FSTL5: variants seen among roughly 807,000 people sequenced by gnomAD.
FSTL5 encodes follistatin-related protein 5.
A neutral mutation model predicts 89.1 loss-of-function variants in FSTL5; 62 were observed. The ratio of observed to expected loss-of-function variants is 0.70; its 90% CI spans 0.57 to 0.86. The LOEUF (loss-of-function observed/expected upper bound fraction) is 0.86. Ranked by LOEUF, FSTL5 falls within the 40% of genes least tolerant of loss-of-function variation. The pLI is 0.00. For missense variants in FSTL5, 1,057 were observed against 1,001.6 expected, an observed-to-expected ratio of 1.06 and a Z score of -0.75; for synonymous variants, 383 against 346.2, an observed-to-expected ratio of 1.11 and a Z score of -1.18.
chr4:162,037,282 G>A (rs761047651), intron 2 of FSTL5, among the ~76,000 whole-genome samples: 5 of 151,788 alleles, frequency 3.3e-5, no homozygotes, highest in Non-Finnish European at 7.4e-5. Context: ...ATAGATGCAG[G>A]AGGTTTCTAG....
chr4:161,887,462 ATCTG>A lies in FSTL5; in HGVS notation c.409+32938_409+32941del, dbSNP rs1261617701. Among the ~76,000 whole-genome samples the A allele has an allele frequency of 1.0e-4, 14 of 139,542 alleles. 1 individual carries two copies. The highest frequency in any genetic ancestry group is 8.5e-4 in the Admixed American group (12 of 14,076). 91.5% of individuals were successfully genotyped at this position (139,542 alleles called of 152,430 possible). On this transcript the variant is annotated intron_variant, in intron 4 of 15. Coordinates refer to ENST00000306100, the MANE Select transcript of FSTL5 (RefSeq NM_020116.5). Reference sequence around the variant, plus strand: ...CCTATCATCTATAATCTATCAGTCTATCTGTCTGTTTTTCTATCTACTTCTATCA... The same window carrying A: ...CCTATCATCTATAATCTATCAGTCTATCTGTTTTTCTATCTACTTCTATCA...
intron 15 of FSTL5, among the ~76,000 whole-genome samples, chr4:161,430,080 T>C (rs1732302754): frequency 6.6e-6 from 1 of 151,916 alleles, no homozygotes; most frequent in South Asian, 2.1e-4. Flanking sequence ...ATTCTGAAGC[T>C]TAAAAATGCA....
intron 6 of FSTL5, among the ~76,000 whole-genome samples, chr4:161,727,874 C>T (rs1739474492): frequency 6.6e-6 from 1 of 152,026 alleles, no homozygotes; most frequent in Non-Finnish European, 1.5e-5. Flanking sequence ...AAAGGGTGTT[C>T]AAGAGTGGCT....
chr4:162,081,181 T>C (rs1730083444), intron 2 of FSTL5, among the ~76,000 whole-genome samples: 1 of 151,588 alleles, frequency 6.6e-6, no homozygotes, highest in Admixed American at 6.6e-5. Flanking sequence ...TCTCGAATAC[T>C]AGCAATATGG....
chr4:161,399,551 C>A (rs192904836), intron 15 of FSTL5, among the ~76,000 whole-genome samples: 146 of 151,470 alleles, frequency 9.6e-4, no homozygotes, highest in African/African-American at 3.3e-3. Flanking sequence ...CATTATCGAG[C>A]CAACCAACTT....
At chr4:161,672,666 C>T (rs570139007) in intron 6 of FSTL5, among the ~76,000 whole-genome samples, 2 of 146,584 alleles carry the variant, frequency 1.4e-5, no homozygotes, top group Non-Finnish European at 3.0e-5. Context: ...AAGTAAAAAG[C>T]CATAAACATA....
intron 1 of FSTL5, among the ~76,000 whole-genome samples, chr4:162,137,491 T>G (rs781517031): frequency 3.9e-5 from 6 of 152,056 alleles, no homozygotes; most frequent in Non-Finnish European, 8.8e-5. Context: ...AAATCTGTCT[T>G]AACATTTGGA....
chr4:161,664,264 C>T (rs1031911546), intron 6 of FSTL5, among the ~76,000 whole-genome samples: 3 of 152,182 alleles, frequency 2.0e-5, no homozygotes, highest in African/African-American at 7.2e-5. Flanking sequence ...TCTTTTCTAT[C>T]GCATAGTCAG....
In FSTL5 at chr4:161,559,392, CT is replaced by C. The variant is rs1358642690; in HGVS notation, c.1016-16700del. On this transcript the variant is annotated intron_variant, in intron 8 of 15. Coordinates refer to ENST00000306100, the MANE Select transcript of FSTL5 (RefSeq NM_020116.5). ...TTCTATTTCTTCTCTCTTTCCTCTT[CT>C]TTTTTTCTTACTTTTCTTCATTGTC... 7.3e-5 allele frequency among the ~76,000 whole-genome samples: 11 copies of C among 151,712 alleles called. No homozygotes were observed. The South Asian group carries it at 1.2e-3, about 17-fold the overall frequency.
chr4:161,946,141 C>A (rs1022347894), intron 3 of FSTL5, among the ~76,000 whole-genome samples: 2 of 152,076 alleles, frequency 1.3e-5, no homozygotes, highest in Non-Finnish European at 2.9e-5. Flanking sequence ...TTTCAAATTT[C>A]TTTATCAGAG....
intron 8 of FSTL5, among the ~76,000 whole-genome samples, chr4:161,545,695 T>C (rs1400496606): frequency 6.6e-6 from 1 of 152,024 alleles, no homozygotes; most frequent in Non-Finnish European, 1.5e-5. Flanking sequence ...GGTTACTAGT[T>C]GCATTCCATT....
chr4:162,064,357 T>G (rs992739604), intron 2 of FSTL5, among the ~76,000 whole-genome samples: 3 of 152,162 alleles, frequency 2.0e-5, no homozygotes, highest in Admixed American at 2.0e-4. Context: ...TCAGCTTGAC[T>G]GGGCCATGGA....
chr4:161,843,883 T>C (rs1388989665), intron 4 of FSTL5, among the ~76,000 whole-genome samples: 10 of 152,008 alleles, frequency 6.6e-5, no homozygotes. Flanking sequence ...ACACAGGCAC[T>C]GGCAAAGACT....
chr4:161,776,179 A>T (rs915576812), intron 4 of FSTL5, 105 bp from the exon 5 acceptor site: 7 of 590,962 alleles, frequency 1.2e-5, no homozygotes, highest in Non-Finnish European at 1.8e-5. Flanking sequence ...TATGTACATA[A>T]TTTTTACTTT....
intron 1 of FSTL5, among the ~76,000 whole-genome samples, chr4:162,142,808 T>C (rs1248846051): frequency 1.3e-5 from 2 of 152,232 alleles, no homozygotes; most frequent in Non-Finnish European, 2.9e-5. Flanking sequence ...TGTCAATTTT[T>C]AGCTATGTGA....
chr4:161,579,499 C>T (rs1354621592), intron 8 of FSTL5, among the ~76,000 whole-genome samples: 1 of 151,962 alleles, frequency 6.6e-6, no homozygotes, highest in African/African-American at 2.4e-5. Flanking sequence ...GGGCATATCA[C>T]CTGAGGTCAG....
At chr4:162,155,509 T>C (rs898219462) in intron 1 of FSTL5, among the ~76,000 whole-genome samples, 1 of 152,316 alleles carries the variant, frequency 6.6e-6, no homozygotes. Flanking sequence ...TAAATGTTTA[T>C]GTGGCTAAGT....
chr4:161,584,723 C>A (rs1211195044), intron 8 of FSTL5, among the ~76,000 whole-genome samples: 1 of 152,184 alleles, frequency 6.6e-6, no homozygotes, highest in East Asian at 1.9e-4. Context: ...TAATTGCACA[C>A]AAGTACTGAA....
intron 1 of FSTL5, among the ~76,000 whole-genome samples, chr4:162,161,755 GAT>G (rs1261514171): frequency 6.6e-6 from 1 of 151,658 alleles, no homozygotes; most frequent in Non-Finnish European, 1.5e-5. Context: ...ATAAAATTAA[GAT>G]ATGTATTCAT....
Sources: allele counts gnomAD v4.1 joint callset (sites outside exome capture counted in the v4.1 genomes callset), GRCh38; gene constraint gnomAD v4.1.1; transcripts MANE v1.5; gene names NCBI Gene and HGNC (gene_info 2026-07-23, HGNC 2026-07-21).